The following AKAP13 variants were observed in gnomAD, a reference collection of about 807,000 sequenced individuals.
AKAP13 encodes A-kinase anchoring protein 13.
AKAP13 carries 80 observed loss-of-function variants against 264.5 expected under a neutral mutation model. That is an observed-to-expected ratio of 0.30 (90% CI 0.25 to 0.36). The LOEUF is 0.36. Ranked by LOEUF, AKAP13 falls within the 10% of genes least tolerant of loss-of-function variation. The pLI is 1.00. For synonymous variants in AKAP13, 1,380 were observed against 1,250.2 expected (o/e 1.10, Z -2.19); for missense variants, 3,712 against 3,435.2 (o/e 1.08, Z -2.01).
intron 2 of AKAP13, among the ~76,000 whole-genome samples, chr15:85,492,537 A>G (rs1483877083): frequency 1.3e-5 from 2 of 152,178 alleles, no homozygotes; most frequent in East Asian, 3.8e-4. Flanking sequence ...CAAACAGTAT[A>G]CTCTGTTCCC....
At chr15:85,654,608 C>A (rs1451662481) in intron 10 of AKAP13, among the ~76,000 whole-genome samples, 1 of 152,016 alleles carries the variant, frequency 6.6e-6, no homozygotes, top group Non-Finnish European at 1.5e-5. Context: ...AAGAGGATCC[C>A]AGGAGTTGAA....
At chr15:85,609,921 A>T (rs1462819599) in intron 8 of AKAP13, among the ~76,000 whole-genome samples, 1 of 152,158 alleles carries the variant, frequency 6.6e-6, no homozygotes, top group African/African-American at 2.4e-5. Flanking sequence ...CCTTTTGCTG[A>T]AATTCTGCTT....
intron 1 of AKAP13, chr15:85,480,880 T>C (rs35558728): frequency 0.25 from 37,466 of 152,066 alleles, 6,072 homozygotes; most frequent in Middle Eastern, 0.41. Context: ...TAGGGACATG[T>C]ATAGTTTCAC....
At chr15:85,657,015 A>G (rs956016362) in intron 11 of AKAP13, among the ~76,000 whole-genome samples, 1 of 152,150 alleles carries the variant, frequency 6.6e-6, no homozygotes, top group Non-Finnish European at 1.5e-5. Flanking sequence ...GCATGGTAGT[A>G]CATGCCTGTG....
intron 1 of AKAP13, among the ~76,000 whole-genome samples, chr15:85,467,391 T>C (rs1459125225): frequency 2.0e-5 from 3 of 152,180 alleles, no homozygotes; most frequent in Non-Finnish European, 4.4e-5. Context: ...TCATATTACC[T>C]TGTGATCTGT....
At chr15:85,521,078 A>G (rs2076805998) in intron 2 of AKAP13, among the ~76,000 whole-genome samples, 1 of 152,154 alleles carries the variant, frequency 6.6e-6, no homozygotes, top group Non-Finnish European at 1.5e-5. Flanking sequence ...TCTCTGCCTT[A>G]TTTTTGGATT....
intron 17 of AKAP13, 60 bp from the exon 18 acceptor site, chr15:85,707,959 A>G: frequency 1.3e-6 from 2 of 1,569,762 alleles, no homozygotes; most frequent in South Asian, 2.2e-5. Context: ...AGCAGTGGAA[A>G]CTCAGAATCT....
At chr15:85,474,101 T>G (rs2075063117) in intron 1 of AKAP13, among the ~76,000 whole-genome samples, 1 of 152,196 alleles carries the variant, frequency 6.6e-6, no homozygotes, top group Non-Finnish European at 1.5e-5. Context: ...ATGAAAAAAG[T>G]GTTCCCAACT....
chr15:85,566,213 C>T (rs1370651430), intron 5 of AKAP13, among the ~76,000 whole-genome samples: 2 of 152,184 alleles, frequency 1.3e-5, no homozygotes, highest in Non-Finnish European at 1.5e-5. Context: ...TGCTGTTATA[C>T]CATTTTATCA....
intron 14 of AKAP13, among the ~76,000 whole-genome samples, chr15:85,676,288 G>A (rs920561292): frequency 2.0e-5 from 3 of 152,164 alleles, no homozygotes; most frequent in Non-Finnish European, 4.4e-5. Flanking sequence ...TGGCAATAGG[G>A]GAGGAATAGA....
At chr15:85,502,396 G>A (rs2076060437) in intron 2 of AKAP13, among the ~76,000 whole-genome samples, 1 of 152,162 alleles carries the variant, frequency 6.6e-6, no homozygotes, top group African/African-American at 2.4e-5. Flanking sequence ...TTTAACATAT[G>A]TAATTTAATC....
chr15:85,656,030 T>C (rs2083077381), intron 11 of AKAP13, among the ~76,000 whole-genome samples: 1 of 152,126 alleles, frequency 6.6e-6, no homozygotes, highest in Non-Finnish European at 1.5e-5. Flanking sequence ...ATACCTTCAT[T>C]ATTATTTTTA....
chr15:85,407,515 T>C (rs2071731672), intron 1 of AKAP13, among the ~76,000 whole-genome samples: 1 of 151,630 alleles, frequency 6.6e-6, no homozygotes, highest in Non-Finnish European at 1.5e-5. Flanking sequence ...GCTGGGATTA[T>C]AGGCATGAGC....
At chr15:85,538,057 C>A (rs2151200156) in intron 4 of AKAP13, among the ~76,000 whole-genome samples, 1 of 152,178 alleles carries the variant, frequency 6.6e-6, no homozygotes, top group East Asian at 1.9e-4. Context: ...ATTTTTTTCT[C>A]TGAGTTTTCC....
At chr15:85,461,458 AAC>A (rs2074510314) in intron 1 of AKAP13, among the ~76,000 whole-genome samples, 1 of 152,296 alleles carries the variant, frequency 6.6e-6, no homozygotes, top group African/African-American at 2.4e-5. Context: ...GCACAGTGCT[AAC>A]ACAGTGTTAA....
intron 17 of AKAP13, among the ~76,000 whole-genome samples, chr15:85,700,318 T>C (rs909088099): frequency 1.3e-5 from 2 of 152,192 alleles, no homozygotes; most frequent in African/African-American, 4.8e-5. Flanking sequence ...TTAAACATGA[T>C]AGAAATTCTC....
intron 1 of AKAP13, among the ~76,000 whole-genome samples, chr15:85,400,662 A>G (rs980256984): frequency 2.0e-5 from 3 of 152,090 alleles, no homozygotes; most frequent in Admixed American, 6.5e-5. Context: ...TTTCTGTATT[A>G]TAAGTAGGAA....
intron 1 of AKAP13, among the ~76,000 whole-genome samples, chr15:85,398,112 C>G (rs1386516651): frequency 1.3e-5 from 2 of 152,292 alleles, no homozygotes; most frequent in African/African-American, 2.4e-5. Flanking sequence ...CTCTGCTCAG[C>G]ATTCCTCATT....
chr15:85,729,850 C>T (rs1442465670), intron 29 of AKAP13, among the ~76,000 whole-genome samples: 2 of 152,022 alleles, frequency 1.3e-5, no homozygotes, highest in Admixed American at 6.6e-5. Flanking sequence ...GCAGGAGAAT[C>T]GCTTAATCAC....
Sources: allele counts gnomAD v4.1 joint callset (sites outside exome capture counted in the v4.1 genomes callset), GRCh38; gene constraint gnomAD v4.1.1; transcripts MANE v1.5; gene names NCBI Gene and HGNC (gene_info 2026-07-23, HGNC 2026-07-21).